CATSPERB: variants seen among roughly 807,000 people sequenced by gnomAD.
The protein encoded by CATSPERB is cation channel sperm-associated auxiliary subunit beta.
CATSPERB carries 93 observed loss-of-function variants against 128.3 expected under a neutral mutation model. The observed-to-expected ratio is 0.72, with a 90% CI of 0.61 to 0.86. The LOEUF (loss-of-function observed/expected upper bound fraction) is 0.86. CATSPERB is among the 40% of genes least tolerant of loss of function. The pLI, the probability that CATSPERB is intolerant of heterozygous loss-of-function variation, is 0.00. For missense variants in CATSPERB, 1,153 were observed against 1,329.5 expected (o/e 0.87, Z 2.06); for synonymous variants, 381 against 448.8 (o/e 0.85, Z 1.91).
At chr14:91,664,819 A>G (rs1894951071) in intron 14 of CATSPERB, among the ~76,000 whole-genome samples, 1 of 152,190 alleles carries the variant, frequency 6.6e-6, no homozygotes, top group Non-Finnish European at 1.5e-5. Context: ...GCTTCATTTC[A>G]GAGGACACCA....
intron 14 of CATSPERB, among the ~76,000 whole-genome samples, chr14:91,664,509 AC>A (rs1894945826): frequency 6.6e-6 from 1 of 151,622 alleles, no homozygotes. Flanking sequence ...CAGGTGATCC[AC>A]CCGCCTCGGC....
At chr14:91,616,794 T>G (rs1893947078) in intron 20 of CATSPERB, among the ~76,000 whole-genome samples, 1 of 132,392 alleles carries the variant, frequency 7.6e-6, no homozygotes. Context: ...CAGGCTGGAG[T>G]GCAATGGCAC....
At chr14:91,591,275 G>A (rs945636913) in intron 23 of CATSPERB, among the ~76,000 whole-genome samples, 7 of 151,422 alleles carry the variant, frequency 4.6e-5, no homozygotes, top group African/African-American at 7.3e-5. Context: ...GACTGGTTTC[G>A]AACTCCTGAC....
chr14:91,609,432 AG>A (rs1414685436), intron 21 of CATSPERB, among the ~76,000 whole-genome samples: 1 of 152,214 alleles, frequency 6.6e-6, no homozygotes, highest in African/African-American at 2.4e-5. Flanking sequence ...TGGCAACATT[AG>A]AGTTCACCCA....
rs138599408 is a variant in CATSPERB, at chr14:91,590,219, A to G, written c.2821-550T>C. Among the ~76,000 whole-genome samples the G allele has an allele frequency of 1.7e-3, 263 of 152,320 alleles. 1 individual carries two copies. The highest frequency in any genetic ancestry group is 6.2e-3 in the African/African-American group (256 of 41,574). On this transcript the variant is annotated intron_variant, in intron 23 of 26. Coordinates refer to ENST00000256343, the MANE Select transcript of CATSPERB (RefSeq NM_024764.4). The stretch of plus-strand genomic sequence containing the variant: ...TTTTGGTTCAGCAAGGGGGTATATA[A>G]AAACAGCCCTCATAATTTACAGAAT...
chr14:91,582,808 T>G lies in CATSPERB; in HGVS notation c.3133-1701A>C, dbSNP rs77707228. 4.1e-4 allele frequency among the ~76,000 whole-genome samples: 62 copies of G among 152,258 alleles called. No individual in the cohort carries two copies. The East Asian group carries it at 0.011, about 27-fold the overall frequency. Reference sequence around the variant, plus strand: ...TGTCTGCTGAGAGCTGTTCCATCACTCAGTAAAATTATTCTTTGCCCTCCT... The same window carrying G: ...TGTCTGCTGAGAGCTGTTCCATCACGCAGTAAAATTATTCTTTGCCCTCCT... On this transcript the variant is annotated intron_variant, in intron 26 of 26. Transcript: ENST00000256343.
At chr14:91,615,965 C>T (rs570459080) in intron 20 of CATSPERB, among the ~76,000 whole-genome samples, 5 of 149,108 alleles carry the variant, frequency 3.4e-5, no homozygotes, top group Admixed American at 1.3e-4. Context: ...CTGCAACTTC[C>T]GCCTCCCGTG....
At chr14:91,706,481 A>T (rs1225222634) in intron 6 of CATSPERB, among the ~76,000 whole-genome samples, 1 of 152,198 alleles carries the variant, frequency 6.6e-6, no homozygotes. Context: ...ACTGATTAAA[A>T]GTTTTGACTG....
intron 15 of CATSPERB, among the ~76,000 whole-genome samples, chr14:91,657,462 A>C (rs1310321072): frequency 1.3e-5 from 2 of 152,176 alleles, no homozygotes; most frequent in Non-Finnish European, 2.9e-5. Context: ...AATCTAGGCA[A>C]AGATTTCTTA....
At chr14:91,673,358 T>G (rs1895132279) in intron 12 of CATSPERB, among the ~76,000 whole-genome samples, 1 of 152,192 alleles carries the variant, frequency 6.6e-6, no homozygotes. Flanking sequence ...TTCCTTTCTG[T>G]GTAAATCCCC....
In CATSPERB at chr14:91,684,038, T is replaced by C. The variant is rs1398492543; in HGVS notation, c.865-95A>G. ...AAAACTAAAAAATTTCAAAGTTTGA[T>C]AGTTCAGGAATGTGAGGCAAAGAGA... is the stretch of plus-strand genomic sequence containing the variant. On this transcript the variant is annotated intron_variant, in intron 10 of 26. Transcript: ENST00000256343. 5 of 802,786 alleles carry C rather than the reference T, an allele frequency of 6.2e-6. No individual in the cohort carries two copies. The African/African-American group carries it at 7.1e-5, about 11-fold the overall frequency. The allele number at this position is 802,786 out of a possible 1,614,324, so 49.7% of individuals were successfully genotyped here.
At chr14:91,681,059 C>T (rs766446766) in intron 11 of CATSPERB, among the ~76,000 whole-genome samples, 7 of 152,158 alleles carry the variant, frequency 4.6e-5, no homozygotes, top group African/African-American at 7.2e-5. Context: ...ACAAGGTAAA[C>T]GGAGTCATAT....
chr14:91,699,132 T>C (rs1895606968), intron 7 of CATSPERB, among the ~76,000 whole-genome samples: 1 of 152,232 alleles, frequency 6.6e-6, no homozygotes, highest in Non-Finnish European at 1.5e-5. Context: ...TTGTTCCACA[T>C]CTTTGCAATT....
At chr14:91,585,984 C>T (rs1048568179) in intron 26 of CATSPERB, among the ~76,000 whole-genome samples, 1 of 152,178 alleles carries the variant, frequency 6.6e-6, no homozygotes, top group African/African-American at 2.4e-5. Flanking sequence ...GTGGTGGTTT[C>T]AATGTCAGTT....
intron 5 of CATSPERB, 89 bp from the exon 6 acceptor site, chr14:91,708,325 G>A (rs1480596739): frequency 1.3e-6 from 1 of 768,608 alleles, no homozygotes; most frequent in East Asian, 2.7e-5. Context: ...TACCAACAAT[G>A]ATAGCCTTTC....
chr14:91,606,949 C>CTAGTGACAGACATATGAAGG (rs71120175), intron 22 of CATSPERB, among the ~76,000 whole-genome samples: 2 of 151,538 alleles, frequency 1.3e-5, no homozygotes, highest in Admixed American at 6.6e-5. Context: ...GGAGGTGGTT[C>CTAGTGACAGACATATGAAGG]TTTGTCTTTG....
intron 17 of CATSPERB, among the ~76,000 whole-genome samples, chr14:91,634,206 G>T (rs1329867049): frequency 6.6e-6 from 1 of 152,086 alleles, no homozygotes; most frequent in African/African-American, 2.4e-5. Context: ...GGGAAAAAAT[G>T]TTATTAAGAA....
chr14:91,610,051 T>G (rs1893796488), intron 21 of CATSPERB, among the ~76,000 whole-genome samples: 1 of 152,132 alleles, frequency 6.6e-6, no homozygotes, highest in African/African-American at 2.4e-5. Context: ...GCTATGAGGT[T>G]TGTCTGTGAA....
At position 91,581,099 on chromosome 14, in the gene CATSPERB, A is replaced by G. The variant is rs199992654; in HGVS notation, c.3141T>C (p.Val1047=). 7 of 1,612,956 alleles carry G rather than the reference A, an allele frequency of 4.3e-6. No homozygotes were observed. In the East Asian group the frequency reaches 1.3e-4, roughly 31 times the overall value. Residue 1047 remains valine (V), a synonymous_variant, in exon 27 of 27, where the codon GTT becomes GTC. Coordinates refer to ENST00000256343, the MANE Select transcript of CATSPERB (RefSeq NM_024764.4). ...CNLIEEFQIY[V]DEAPLPFPGH... ...CTGGGAATGGCAATGGTGCCTCATC[A>G]ACATAAATCTGCAACAGAAAAAGCA...
Sources: allele counts gnomAD v4.1 joint callset (sites outside exome capture counted in the v4.1 genomes callset), GRCh38; gene constraint gnomAD v4.1.1; transcripts MANE v1.5; gene names NCBI Gene and HGNC (gene_info 2026-07-23, HGNC 2026-07-21).